Variants in MBTD1 observed in about 807,000 individuals in gnomAD.
MBTD1 encodes mbt domain containing 1.
Under a neutral mutation model 87.8 loss-of-function variants are expected in MBTD1, and 24 were observed. That is an observed-to-expected ratio of 0.27 (90% CI 0.20 to 0.38). The LOEUF (loss-of-function observed/expected upper bound fraction) is 0.38. Ranked by LOEUF, MBTD1 falls within the 10% of genes least tolerant of loss-of-function variation. MBTD1 has a pLI of 1.00. For missense variants in MBTD1, 436 were observed against 760.2 expected, an observed-to-expected ratio of 0.57 and a Z score of 5.02; for synonymous variants, 237 against 248.6, an observed-to-expected ratio of 0.95 and a Z score of 0.44.
At chr17:51,246,571 T>C (rs1166924528) in intron 2 of MBTD1, among the ~76,000 whole-genome samples, 1 of 152,248 alleles carries the variant, frequency 6.6e-6, no homozygotes, top group Non-Finnish European at 1.5e-5. Flanking sequence ...CTGATTTTTC[T>C]AAGGCTTTCC....
At chr17:51,253,528 A>G (rs1339662473) in intron 2 of MBTD1, among the ~76,000 whole-genome samples, 2 of 152,168 alleles carry the variant, frequency 1.3e-5, no homozygotes, top group African/African-American at 4.8e-5. Context: ...CTTTTTATTC[A>G]AAGAGACAAT....
chr17:51,222,808 A>T (rs982387654), intron 3 of MBTD1, among the ~76,000 whole-genome samples: 4 of 148,754 alleles, frequency 2.7e-5, no homozygotes, highest in Admixed American at 6.8e-5. Flanking sequence ...GCTGTTCATA[A>T]TTTTTTTTAG....
chr17:51,240,652 T>C (rs1043668799), intron 2 of MBTD1, among the ~76,000 whole-genome samples: 4 of 152,180 alleles, frequency 2.6e-5, no homozygotes, highest in Non-Finnish European at 5.9e-5. Flanking sequence ...ATCTATCTGA[T>C]TGAGGTAGTG....
At position 51,192,208 on chromosome 17, in the gene MBTD1, TTA is replaced by T. The variant is rs2050848513; in HGVS notation, c.1761_1762del (p.His587GlnfsTer19). ...AACACCACGTGGTGACCCACTTTTC[TTA>T]TGTCCTTTGTATTGCTGGGACTTAG... On this transcript the variant is annotated frameshift_variant, in exon 16 of 17. Coordinates refer to ENST00000586178, the MANE Select transcript of MBTD1 (RefSeq NM_017643.3). LOFTEE classifies it high-confidence loss of function. 2 of 1,550,646 alleles carry T rather than the reference TTA, an allele frequency of 1.3e-6. No homozygotes were observed.
At chr17:51,225,609 A>G (rs2053169554) in intron 2 of MBTD1, among the ~76,000 whole-genome samples, 1 of 151,470 alleles carries the variant, frequency 6.6e-6, no homozygotes, top group Admixed American at 6.6e-5. Context: ...TGCCCACTCA[A>G]GCCTCCCAGA....
intron 7 of MBTD1, among the ~76,000 whole-genome samples, chr17:51,205,101 G>C (rs550682019): frequency 6.6e-6 from 1 of 152,142 alleles, no homozygotes; most frequent in South Asian, 2.1e-4. Flanking sequence ...TTTAATTTAA[G>C]GCCTTTAATG....
At chr17:51,260,749 C>T, upstream of MBTD1, 1 of 1,581,964 alleles carries the variant, frequency 6.3e-7, no homozygotes, top group Middle Eastern at 1.9e-4. Flanking sequence ...CCCGGCCGAG[C>T]GCGGCGGCCG....
At chr17:51,224,386 A>C (rs1480622517) in intron 3 of MBTD1, among the ~76,000 whole-genome samples, 1 of 152,242 alleles carries the variant, frequency 6.6e-6, no homozygotes, top group Non-Finnish European at 1.5e-5. Context: ...GATTAGAATT[A>C]TTCTGTGTAG....
intron 2 of MBTD1, among the ~76,000 whole-genome samples, chr17:51,241,153 T>C (rs1204853837): frequency 2.6e-5 from 4 of 152,072 alleles, no homozygotes; most frequent in Non-Finnish European, 5.9e-5. Flanking sequence ...TTTTGTACTT[T>C]TTGTAGAGAC....
At chr17:51,205,461 T>C (rs1253321826) in intron 7 of MBTD1, among the ~76,000 whole-genome samples, 1 of 152,252 alleles carries the variant, frequency 6.6e-6, no homozygotes, top group South Asian at 2.1e-4. Flanking sequence ...AAAAATAATA[T>C]GCTGTTGTTT....
At chr17:51,257,428 T>C (rs16949734) in intron 2 of MBTD1, among the ~76,000 whole-genome samples, 20,049 of 152,270 alleles carry the variant, frequency 0.13, 2,348 homozygotes, top group African/African-American at 0.31. Flanking sequence ...CCTAATATGT[T>C]GTTTTCACTT....
intron 16 of MBTD1, among the ~76,000 whole-genome samples, chr17:51,191,285 G>A (rs1196646707): frequency 1.4e-5 from 2 of 143,646 alleles, no homozygotes; most frequent in Non-Finnish European, 3.0e-5. Context: ...TTTCGAGATG[G>A]AGTTTTGCTC....
At chr17:51,233,280 T>C (rs1257005210) in intron 2 of MBTD1, among the ~76,000 whole-genome samples, 1 of 152,014 alleles carries the variant, frequency 6.6e-6, no homozygotes, top group Non-Finnish European at 1.5e-5. Context: ...TCTAATCAGG[T>C]GCTTAGTACC....
rs569605553 is a variant in MBTD1, at chr17:51,179,011, T to A, written c.*1565A>T. The A allele has an allele frequency of 1.3e-5, 2 of 152,262 alleles. No homozygotes were observed. The highest frequency in any genetic ancestry group is 4.8e-5 in the African/African-American group (2 of 41,562). The allele number at this position is 152,262 out of a possible 1,614,324, so 9.4% of individuals were successfully genotyped here. On this transcript the variant is annotated 3_prime_UTR_variant, in exon 17 of 17. Coordinates refer to ENST00000586178, the MANE Select transcript of MBTD1 (RefSeq NM_017643.3). ...TAGAGCAATATTTTAGAAAATAAATTGCTGGTTTTTTTTAACGTTCTATGC... is the reference window on the plus strand; with the variant it reads ...TAGAGCAATATTTTAGAAAATAAATAGCTGGTTTTTTTTAACGTTCTATGC...
At chr17:51,237,262 C>A in intron 2 of MBTD1, among the ~76,000 whole-genome samples, 1 of 144,158 alleles carries the variant, frequency 6.9e-6, no homozygotes. Flanking sequence ...TGCCATTGCA[C>A]TCCAGCCTGG....
At chr17:51,207,512 T>A (rs1407516706) in intron 6 of MBTD1, among the ~76,000 whole-genome samples, 1 of 152,164 alleles carries the variant, frequency 6.6e-6, no homozygotes, top group African/African-American at 2.4e-5. Context: ...TAGATGGACG[T>A]GAGGGAAAAG....
intron 2 of MBTD1, among the ~76,000 whole-genome samples, chr17:51,229,106 G>C (rs914162748): frequency 6.6e-5 from 10 of 152,110 alleles, no homozygotes; most frequent in Non-Finnish European, 1.5e-4. Context: ...GAGGCTGGAG[G>C]ACTGCCTGAG....
rs1427353388 is a variant in MBTD1, at chr17:51,178,794, G to A, written c.*1782C>T. The A allele has an allele frequency of 6.6e-6, 1 of 152,228 alleles. No individual in the cohort carries two copies. Among genetic ancestry groups the A allele is most frequent in the East Asian group, 1.9e-4 (1 of 5,182 alleles). 9.4% of individuals were successfully genotyped at this position (152,228 alleles called of 1,614,324 possible). A position where few individuals can be genotyped will look rare whatever the true frequency, so the allele number is the denominator to read the frequency against. The stretch of plus-strand genomic sequence containing the variant: ...ATTTGACACATGAGAATCAACTTGC[G>A]TTGATGTGATCTGCATTTATGCCCC... On this transcript the variant is annotated 3_prime_UTR_variant, in exon 17 of 17. Transcript: ENST00000586178.
chr17:51,256,328 G>T (rs1281992202), intron 2 of MBTD1: 2 of 152,184 alleles, frequency 1.3e-5, no homozygotes. Context: ...GTTCAGAGAG[G>T]TAGCTTGCTG....
Sources: gnomAD v4.1 joint callset for allele counts (sites outside exome capture counted in the v4.1 genomes callset) on GRCh38, gnomAD v4.1.1 for gene constraint, MANE v1.5 for transcripts, NCBI Gene and HGNC (gene_info 2026-07-23, HGNC 2026-07-21) for gene names.